The following UGT2A1 variants were observed in gnomAD, a reference collection of about 807,000 sequenced individuals.
UGT2A1 encodes the protein UDP glucuronosyltransferase family 2 member A1 complex locus, also known as UDP-glucuronosyltransferase 2A1.
A neutral mutation model predicts 45.4 loss-of-function variants in UGT2A1; 61 were observed. That is an observed-to-expected ratio of 1.34 (90% confidence interval 1.09 to 1.66). The LOEUF is 1.66. Among genes scored for constraint, UGT2A1 ranks in the 40% most tolerant of loss-of-function variants. The pLI is 0.00. For synonymous variants in UGT2A1, 229 were observed against 196.2 expected, an observed-to-expected ratio of 1.17 and a Z score of -1.40; for missense variants, 649 against 574.3, an observed-to-expected ratio of 1.13 and a Z score of -1.33.
At position 69,588,557 on chromosome 4, in the gene UGT2A1, A is replaced by C. The variant is rs927520669; in HGVS notation, c.*815T>G. On this transcript the variant is annotated 3_prime_UTR_variant, in exon 7 of 7. Coordinates refer to ENST00000286604, the MANE Select transcript of UGT2A1 (RefSeq NM_001252275.3). ...ATGTAATTATTTGTACAGTTGACTA[A>C]AAATTTTATAAAAATGATAATTATT... 1.3e-5 allele frequency: 2 copies of C among 152,104 alleles called. No homozygotes were observed. Among genetic ancestry groups the C allele is most frequent in the Non-Finnish European group, 2.9e-5 (2 of 68,000 alleles). The allele number at this position is 152,104 out of a possible 1,614,324, so 9.4% of individuals were successfully genotyped here. A position where few individuals can be genotyped will look rare whatever the true frequency, so the allele number is the denominator to read the frequency against.
At chr4:69,624,677 A>G (rs1176986978) in intron 3 of UGT2A1, among the ~76,000 whole-genome samples, 1 of 151,248 alleles carries the variant, frequency 6.6e-6, no homozygotes, top group Non-Finnish European at 1.5e-5. Flanking sequence ...TATCATTTTT[A>G]GCATAACAAC....
intron 2 of UGT2A1, among the ~76,000 whole-genome samples, chr4:69,642,810 CA>C (rs1006767531): frequency 2.6e-5 from 4 of 151,172 alleles, no homozygotes; most frequent in African/African-American, 9.7e-5. Flanking sequence ...AGATTATTCA[CA>C]AAAAAACCTT....
chr4:69,619,929 G>T (rs1458823273), intron 3 of UGT2A1, among the ~76,000 whole-genome samples: 1 of 151,570 alleles, frequency 6.6e-6, no homozygotes, highest in African/African-American at 2.4e-5. Context: ...CACACAAAAG[G>T]CTTTTGATAC....
chr4:69,633,538 T>G (rs937664648), intron 3 of UGT2A1, among the ~76,000 whole-genome samples: 1 of 152,078 alleles, frequency 6.6e-6, no homozygotes, highest in African/African-American at 2.4e-5. Context: ...AAAACCAAAA[T>G]AGCCTAAATT....
At chr4:69,596,528 T>G in intron 4 of UGT2A1, 1 of 1,239,618 alleles carries the variant, frequency 8.1e-7, no homozygotes, top group African/African-American at 1.6e-5. Flanking sequence ...AGATCTAGTT[T>G]CTATATTTTT....
At position 69,589,457 on chromosome 4, in the gene UGT2A1, G is replaced by A. The variant is rs1437927520; in HGVS notation, c.1499C>T (p.Thr500Ile). The A allele has an allele frequency of 1.2e-6, 2 of 1,613,994 alleles. No homozygotes were observed. The highest frequency in any genetic ancestry group is 1.1e-5 in the South Asian group (1 of 91,076). The change falls in exon 7 of 7, where the codon ACA (threonine) becomes ATA (isoleucine). Residue 500 changes from threonine (T) to isoleucine (I), a missense_variant. Thr to Ile is a moderately conservative substitution (Grantham distance 89). Coordinates refer to ENST00000286604, the MANE Select transcript of UGT2A1 (RefSeq NM_001252275.3). ...DVIGFLLVCV[T>I]TAIFLVIQCC... Reference sequence around the variant, plus strand: ...TTGTATGACCAAAAATATAGCCGTTGTCACACAGACCAGCAAGAACCCAAT... The same window carrying A: ...TTGTATGACCAAAAATATAGCCGTTATCACACAGACCAGCAAGAACCCAAT...
intron 3 of UGT2A1, among the ~76,000 whole-genome samples, chr4:69,609,555 G>A (rs189149936): frequency 1.2e-3 from 187 of 152,166 alleles, no homozygotes; most frequent in Non-Finnish European, 1.8e-3. Flanking sequence ...GTTAATAAAA[G>A]TCAGTAAATG....
chr4:69,606,533 C>T lies in UGT2A1; in HGVS notation c.848-7139G>A, dbSNP rs1418261689. Among the ~76,000 whole-genome samples, 2 of 136,376 alleles carry T rather than the reference C, an allele frequency of 1.5e-5. 1 individual carries two copies. The highest frequency in any genetic ancestry group is 1.4e-4 in the Admixed American group (2 of 13,856). The allele number at this position is 136,376 out of a possible 152,430, so 89.5% of individuals were successfully genotyped here. A position where few individuals can be genotyped will look rare whatever the true frequency, so the allele number is the denominator to read the frequency against. ...GGCACAAGACAGGGATGCCCTCTCT[C>T]ACCACTCCTATTCAACATAGTGTTG... On this transcript the variant is annotated intron_variant, in intron 3 of 6. Coordinates refer to ENST00000286604, the MANE Select transcript of UGT2A1 (RefSeq NM_001252275.3).
intron 2 of UGT2A1, among the ~76,000 whole-genome samples, chr4:69,646,559 A>C (rs1263135436): frequency 1.3e-5 from 2 of 151,814 alleles, no homozygotes. Flanking sequence ...GTCTGTATTA[A>C]TAATAAGCTT....
At position 69,599,384 on chromosome 4, in the gene UGT2A1, A is replaced by T; in HGVS notation, c.858T>A (p.Thr286=). 6.2e-7 allele frequency: 1 copy of T among 1,613,276 alleles called. No individual in the cohort carries two copies. The highest frequency in any genetic ancestry group is 8.5e-7 in the Non-Finnish European group (1 of 1,179,746). Residue 286 remains threonine, a synonymous_variant, in exon 4 of 7, where the codon ACT becomes ACA. Transcript: ENST00000286604. ...CTTTCCCCATAGTCTCACATAACGTAGTGGGTCTTCCTGGAGAAAATGTAA... is the reference window on the plus strand; with the variant it reads ...CTTTCCCCATAGTCTCACATAACGTTGTGGGTCTTCCTGGAGAAAATGTAA... The part of the protein sequence containing the change: ...WDYRLPAGRP[T]TLCETMGKAE...
At chr4:69,649,063 T>C (rs564866998) in intron 1 of UGT2A1, among the ~76,000 whole-genome samples, 1 of 152,048 alleles carries the variant, frequency 6.6e-6, no homozygotes, top group Non-Finnish European at 1.5e-5. Flanking sequence ...TGTGAAAATA[T>C]TATGTTTGTA....
intron 3 of UGT2A1, chr4:69,599,620 G>C: frequency 2.1e-6 from 1 of 475,472 alleles, no homozygotes. Context: ...AGGGAGGAAG[G>C]CAGGCAAGCA....
rs780095277 is a variant in UGT2A1, at chr4:69,647,020, T to A, written c.625A>T (p.Arg209Ter). 1.1e-5 allele frequency: 18 copies of A among 1,612,682 alleles called. No individual in the cohort carries two copies. The highest frequency in any genetic ancestry group is 2.7e-5 in the African/African-American group (2 of 74,852). The change falls in exon 2 of 7, where the codon AGA becomes TGA. Residue 209 changes from arginine (R) to a stop codon, truncating the protein, a stop_gained. Transcript: ENST00000286604. LOFTEE classifies it high-confidence loss of function. ...TGGTAGGAGATGAAATTTCTTATTC[T>A]GTCAGTGAAAGACATTTGGTCGGTG... ...ELTDQMSFTD[R>*]IRNFISYHLQ...
intron 6 of UGT2A1, among the ~76,000 whole-genome samples, chr4:69,593,031 AT>A (rs568942223): frequency 3.3e-4 from 51 of 152,282 alleles, no homozygotes; most frequent in African/African-American, 1.2e-3. Context: ...ATATAGCACA[AT>A]TTAAACTGGA....
chr4:69,604,270 C>A (rs965350451), intron 3 of UGT2A1, among the ~76,000 whole-genome samples: 1 of 136,766 alleles, frequency 7.3e-6, no homozygotes, highest in Non-Finnish European at 1.6e-5. Context: ...ATTCACCATT[C>A]TTAAAGAAAA....
chr4:69,589,342 A>C lies in UGT2A1; in HGVS notation c.*30T>G. The stretch of plus-strand genomic sequence containing the variant: ...ACTACTCAGGATTTTGCCAAACTTA[A>C]AAATATATATATTTCCTCTTTTTCT... On this transcript the variant is annotated 3_prime_UTR_variant, in exon 7 of 7. Transcript: ENST00000286604. 6.4e-7 allele frequency: 1 copy of C among 1,565,100 alleles called. No individual in the cohort carries two copies. Among genetic ancestry groups the C allele is most frequent in the Non-Finnish European group, 8.6e-7 (1 of 1,157,026 alleles).
At chr4:69,633,260 A>G (rs75836102) in intron 3 of UGT2A1, among the ~76,000 whole-genome samples, 1 of 152,276 alleles carries the variant, frequency 6.6e-6, no homozygotes, top group African/African-American at 2.4e-5. Flanking sequence ...ATACCTTAAT[A>G]AAAACAATAG....
At chr4:69,610,515 A>G (rs1719969973) in intron 3 of UGT2A1, among the ~76,000 whole-genome samples, 1 of 152,198 alleles carries the variant, frequency 6.6e-6, no homozygotes, top group Admixed American at 6.6e-5. Flanking sequence ...AACTTTAAAC[A>G]CAAACTTTAA....
chr4:69,595,085 G>T, intron 5 of UGT2A1, 77 bp downstream of exon 5: 1 of 1,522,220 alleles, frequency 6.6e-7, no homozygotes, highest in Non-Finnish European at 9.1e-7. Context: ...AAAATGTATT[G>T]AATTTATTTG....
Sources: allele counts gnomAD v4.1 joint callset (sites outside exome capture counted in the v4.1 genomes callset), GRCh38; gene constraint gnomAD v4.1.1; transcripts MANE v1.5; gene names NCBI Gene and HGNC (gene_info 2026-07-23, HGNC 2026-07-21).